TLL1: variants seen among roughly 807,000 people sequenced by gnomAD.
TLL1 encodes tolloid-like protein 1.
Under a neutral mutation model 128.2 loss-of-function variants are expected in TLL1, and 49 were observed. The observed-to-expected ratio is 0.38, with a 90% CI of 0.30 to 0.48. The LOEUF is 0.48. Ranked by LOEUF, TLL1 falls within the 20% of genes least tolerant of loss-of-function variation. TLL1 has a pLI of 0.96. For missense variants in TLL1, 1,123 were observed against 1,242.0 expected, an observed-to-expected ratio of 0.90 and a Z score of 1.44; for synonymous variants, 454 against 418.8, an observed-to-expected ratio of 1.08 and a Z score of -1.03.
chr4:165,960,717 C>A (rs145229265), intron 1 of TLL1, among the ~76,000 whole-genome samples: 21 of 152,146 alleles, frequency 1.4e-4, no homozygotes, highest in African/African-American at 4.8e-4. Flanking sequence ...TATATATGAT[C>A]ATCTCAATAG....
chr4:165,951,584 T>C (rs560608660), intron 1 of TLL1, among the ~76,000 whole-genome samples: 1 of 152,246 alleles, frequency 6.6e-6, no homozygotes, highest in African/African-American at 2.4e-5. Context: ...GAGGACACCA[T>C]GTCATGTTAA....
intron 1 of TLL1, among the ~76,000 whole-genome samples, chr4:165,907,795 G>A (rs1261716100): frequency 2.6e-5 from 4 of 152,154 alleles, no homozygotes; most frequent in South Asian, 4.1e-4. Flanking sequence ...TGATCCACCC[G>A]CCTTGGCCTC....
In TLL1 at chr4:165,992,879, G is replaced by C; in HGVS notation, c.356G>C (p.Gly119Ala). 2 of 1,612,926 alleles carry C rather than the reference G, an allele frequency of 1.2e-6. No individual in the cohort carries two copies. Among genetic ancestry groups the C allele is most frequent in the Non-Finnish European group, 8.5e-7 (1 of 1,179,180 alleles). The change falls in exon 3 of 21, where the codon GGC becomes GCC. Residue 119 changes from glycine (G) to alanine (A), a missense_variant. Transcript: ENST00000061240. Reference protein sequence around the residue: ...YQLIDRIRRIGFGLEQNNTVK... With the variant: ...YQLIDRIRRIAFGLEQNNTVK... ...CTTATAGACAGGATAAGAAGAATTGGCTTTGGTATATCAATGTTTAAAGTT... is the reference window on the plus strand; with the variant it reads ...CTTATAGACAGGATAAGAAGAATTGCCTTTGGTATATCAATGTTTAAAGTT...
chr4:166,020,572 C>T (rs904603934), intron 8 of TLL1, among the ~76,000 whole-genome samples: 6 of 152,118 alleles, frequency 3.9e-5, no homozygotes, highest in African/African-American at 9.7e-5. Context: ...TTTCTAAATG[C>T]GTTGACCTCC....
chr4:166,070,798 A>G (rs1169611777), intron 16 of TLL1, among the ~76,000 whole-genome samples: 1 of 151,816 alleles, frequency 6.6e-6, no homozygotes, highest in Non-Finnish European at 1.5e-5. Flanking sequence ...CTTCTTGTCC[A>G]CTGTTTCTCT....
Position 166,102,455 on chromosome 4 carries a change from A to G in TLL1, c.*1579A>G, listed in dbSNP as rs1176886959. 1.3e-5 allele frequency: 2 copies of G among 152,410 alleles called. No individual in the cohort carries two copies. Among genetic ancestry groups the G allele is most frequent in the African/African-American group, 2.4e-5 (1 of 41,438 alleles). 9.4% of individuals were successfully genotyped at this position (152,410 alleles called of 1,614,324 possible). ...AGTTAAAATGTATGTGCCAAGTTCT[A>G]CTAGAATTCCATTTGAAATAGCACC... On this transcript the variant is annotated 3_prime_UTR_variant, in exon 21 of 21. Transcript: ENST00000061240.
At chr4:165,991,065 T>A (rs895480471) in intron 2 of TLL1, among the ~76,000 whole-genome samples, 11 of 152,140 alleles carry the variant, frequency 7.2e-5, no homozygotes, top group Admixed American at 2.6e-4. Context: ...CATTTCCAAC[T>A]TTTATTAAAA....
At chr4:166,075,612 C>T (rs1468498070) in intron 17 of TLL1, among the ~76,000 whole-genome samples, 1 of 152,182 alleles carries the variant, frequency 6.6e-6, no homozygotes. Context: ...TCCTAATCCC[C>T]TTAGCCACTA....
At position 165,960,655 on chromosome 4, in the gene TLL1, C is replaced by T. The variant is rs79053445; in HGVS notation, c.170-28726C>T. On this transcript the variant is annotated intron_variant, in intron 1 of 20. Transcript: ENST00000061240. ...TTATTCCTGGGATGCAAGGTTGTTT[C>T]GACATTTTCAAATCAATAAATGTAA... 5.3e-3 allele frequency among the ~76,000 whole-genome samples: 811 copies of T among 152,180 alleles called. 12 individuals are homozygous for T. The highest frequency in any genetic ancestry group is 0.018 in the African/African-American group (739 of 41,534).
chr4:166,005,040 A>AG (rs1304508483), intron 6 of TLL1, among the ~76,000 whole-genome samples: 1 of 152,018 alleles, frequency 6.6e-6, no homozygotes, highest in East Asian at 1.9e-4. Flanking sequence ...ACACATCAAG[A>AG]GGAAGAAGAG....
At chr4:165,877,977 T>C (rs1730796422) in intron 1 of TLL1, among the ~76,000 whole-genome samples, 2 of 152,162 alleles carry the variant, frequency 1.3e-5, no homozygotes, top group Non-Finnish European at 2.9e-5. Flanking sequence ...GACAAAAGAC[T>C]TTCTACCTAG....
At chr4:166,095,114 A>G (rs1320547049) in intron 19 of TLL1, among the ~76,000 whole-genome samples, 1 of 152,132 alleles carries the variant, frequency 6.6e-6, no homozygotes, top group Non-Finnish European at 1.5e-5. Context: ...ATCCTTAAGT[A>G]TACAGTTTAA....
intron 1 of TLL1, among the ~76,000 whole-genome samples, chr4:165,913,481 C>G (rs1246388163): frequency 2.6e-5 from 4 of 152,138 alleles, no homozygotes; most frequent in African/African-American, 9.7e-5. Flanking sequence ...TTGAGAAATT[C>G]AGGGCAAAGC....
chr4:166,014,795 T>A (rs1737861595), intron 8 of TLL1, among the ~76,000 whole-genome samples: 1 of 152,024 alleles, frequency 6.6e-6, no homozygotes, highest in African/African-American at 2.4e-5. Flanking sequence ...GTATATTTTA[T>A]TTCTTTTAAT....
intron 1 of TLL1, among the ~76,000 whole-genome samples, chr4:165,900,940 C>T (rs551893611): frequency 1.3e-5 from 2 of 152,104 alleles, no homozygotes; most frequent in South Asian, 4.2e-4. Flanking sequence ...CATTCCTTTT[C>T]ATTCTTTTCT....
intron 15 of TLL1, among the ~76,000 whole-genome samples, chr4:166,064,900 C>T (rs1046727322): frequency 1.3e-5 from 2 of 152,058 alleles, no homozygotes; most frequent in Admixed American, 1.3e-4. Context: ...AGGGTTCAAT[C>T]ATATGCATTG....
At chr4:166,014,695 A>G in intron 8 of TLL1, 135 bp downstream of exon 8, 1 of 1,368,632 alleles carries the variant, frequency 7.3e-7, no homozygotes, top group Non-Finnish European at 1.0e-6. Context: ...AAAGTCAGTA[A>G]TCATAAAATG....
At chr4:166,085,475 G>GT (rs58241157) in intron 18 of TLL1, among the ~76,000 whole-genome samples, 55,277 of 147,372 alleles carry the variant, frequency 0.38, 11,284 homozygotes, top group African/African-American at 0.57. Context: ...TTGTTGAGAG[G>GT]TTTTTTTTTT....
At chr4:165,953,145 CAG>C (rs1418048823) in intron 1 of TLL1, among the ~76,000 whole-genome samples, 16 of 152,070 alleles carry the variant, frequency 1.1e-4, no homozygotes, top group African/African-American at 3.6e-4. Context: ...TCATGATTAT[CAG>C]AGTGCCATGG....
Sources: allele counts gnomAD v4.1 joint callset (sites outside exome capture counted in the v4.1 genomes callset), GRCh38; gene constraint gnomAD v4.1.1; transcripts MANE v1.5; gene names NCBI Gene and HGNC (gene_info 2026-07-23, HGNC 2026-07-21).